WDFY4: variants seen among roughly 807,000 people sequenced by gnomAD.
WDFY4 encodes the protein WD repeat- and FYVE domain-containing protein 4.
In WDFY4, 169 loss-of-function variants were observed where a neutral mutation model predicts 351.9. The observed-to-expected ratio is 0.48, with a 90% CI of 0.42 to 0.55. The LOEUF (loss-of-function observed/expected upper bound fraction) is 0.55, where lower values mean the gene tolerates loss of function less well. Among genes scored for constraint, WDFY4 ranks in the 20% least tolerant of loss-of-function variants. The pLI, the probability that WDFY4 is intolerant of heterozygous loss-of-function variation, is 0.00. For synonymous variants in WDFY4, 1,622 were observed against 1,574.6 expected, an observed-to-expected ratio of 1.03 and a Z score of -0.71; for missense variants, 3,803 against 3,935.6, an observed-to-expected ratio of 0.97 and a Z score of 0.90.
intron 57 of WDFY4, among the ~76,000 whole-genome samples, chr10:48,973,966 G>A (rs1842442465): frequency 6.6e-6 from 1 of 152,176 alleles, no homozygotes; most frequent in Non-Finnish European, 1.5e-5. Flanking sequence ...CTTCTTCCCA[G>A]TTTAGTTCAA....
chr10:48,880,364 C>T (rs936310492), intron 43 of WDFY4, among the ~76,000 whole-genome samples: 1 of 152,312 alleles, frequency 6.6e-6, no homozygotes, highest in African/African-American at 2.4e-5. Flanking sequence ...GAGTCTGAAG[C>T]CCCCAGGTGA....
intron 48 of WDFY4, 67 bp downstream of exon 48, chr10:48,941,915 G>A (rs1255316612): frequency 2.7e-6 from 4 of 1,455,056 alleles, no homozygotes; most frequent in Non-Finnish European, 3.8e-6. Flanking sequence ...AGGCCCCAGC[G>A]ATGGAGAGGA....
intron 57 of WDFY4, among the ~76,000 whole-genome samples, chr10:48,971,341 A>G (rs1026244722): frequency 2.0e-5 from 3 of 152,238 alleles, no homozygotes; most frequent in Non-Finnish European, 4.4e-5. Context: ...CTAAAAATAC[A>G]ACAGATTAGC....
At chr10:48,749,828 C>G (rs11101456) in intron 12 of WDFY4, among the ~76,000 whole-genome samples, 1,551 of 152,306 alleles carry the variant, frequency 0.01, 26 homozygotes, top group African/African-American at 0.034. Context: ...GCAAGGCAGC[C>G]CTGCTCCTTC....
In WDFY4 at chr10:48,734,779, CTT is replaced by C. The variant is rs779399565; in HGVS notation, c.1687+758_1687+759del. On this transcript the variant is annotated intron_variant, in intron 10 of 61. Coordinates refer to ENST00000325239, the MANE Select transcript of WDFY4 (RefSeq NM_001394531.1). ...AGTCAAGGTGGAGCTCAGGAATCTA[CTT>C]TTTTTTTTTTTTTGAGGCAGAGTCT... 4.7e-4 allele frequency among the ~76,000 whole-genome samples: 66 copies of C among 140,198 alleles called. 1 individual carries two copies. The East Asian group carries it at 7.8e-3, about 17-fold the overall frequency. The allele number at this position is 140,198 out of a possible 152,430, so 92.0% of individuals were successfully genotyped here. A position where few individuals can be genotyped will look rare whatever the true frequency, so the allele number is the denominator to read the frequency against.
chr10:48,798,471 A>G (rs913426847), intron 24 of WDFY4, among the ~76,000 whole-genome samples: 3 of 152,224 alleles, frequency 2.0e-5, no homozygotes, highest in African/African-American at 7.2e-5. Flanking sequence ...AAGAATGAGC[A>G]ATTAGAAAGG....
chr10:48,887,050 A>T (rs757129842), intron 43 of WDFY4, among the ~76,000 whole-genome samples: 3 of 152,256 alleles, frequency 2.0e-5, no homozygotes, highest in Non-Finnish European at 2.9e-5. Context: ...CTTTTCTAGC[A>T]GAATCAATGT....
intron 24 of WDFY4, among the ~76,000 whole-genome samples, chr10:48,797,772 CT>C (rs1199588308): frequency 7.2e-5 from 11 of 152,038 alleles, no homozygotes; most frequent in African/African-American, 2.4e-4. Flanking sequence ...AAAACATTTT[CT>C]TAGAATAAAT....
chr10:48,687,087 T>G (rs948154084), intron 1 of WDFY4, among the ~76,000 whole-genome samples: 1 of 152,192 alleles, frequency 6.6e-6, no homozygotes, highest in African/African-American at 2.4e-5. Context: ...TATCTTAGCA[T>G]GTTTTTAATT....
At chr10:48,742,431 A>G (rs965573611) in intron 11 of WDFY4, among the ~76,000 whole-genome samples, 1 of 152,256 alleles carries the variant, frequency 6.6e-6, no homozygotes, top group East Asian at 1.9e-4. Context: ...AGGAATAACA[A>G]GCTGCTTCTA....
At chr10:48,737,843 A>C (rs1199157635) in intron 11 of WDFY4, among the ~76,000 whole-genome samples, 1 of 152,246 alleles carries the variant, frequency 6.6e-6, no homozygotes, top group African/African-American at 2.4e-5. Flanking sequence ...GCTAGGAATT[A>C]CCTTAGATTC....
intron 12 of WDFY4, among the ~76,000 whole-genome samples, chr10:48,759,345 G>A (rs1445532978): frequency 6.6e-6 from 1 of 152,154 alleles, no homozygotes; most frequent in Admixed American, 6.5e-5. Flanking sequence ...CTCCCAAGGG[G>A]TCCCTTCCTG....
At chr10:48,735,759 G>A (rs1223632303) in intron 10 of WDFY4, 121 bp from the exon 11 acceptor site, 1 of 1,069,566 alleles carries the variant, frequency 9.3e-7, no homozygotes, top group African/African-American at 1.6e-5. Context: ...GTGAGCAAAA[G>A]AGAAACAAAA....
At chr10:48,773,369 T>C (rs555469796) in intron 13 of WDFY4, among the ~76,000 whole-genome samples, 1 of 152,326 alleles carries the variant, frequency 6.6e-6, no homozygotes, top group East Asian at 1.9e-4. Flanking sequence ...TGATACGACA[T>C]CTTATCCAGC....
In WDFY4 at chr10:48,966,515, T is replaced by C. The variant is rs1484764875; in HGVS notation, c.8437-11T>C. 6.4e-7 allele frequency: 1 copy of C among 1,550,862 alleles called. No individual in the cohort carries two copies. The highest frequency in any genetic ancestry group is 1.4e-5 in the African/African-American group (1 of 73,004). On this transcript the variant is annotated splice_polypyrimidine_tract_variant and intron_variant, in intron 54 of 61. Transcript: ENST00000325239. ...TCTCCCCTCATGTGTGTCTGTTCCC[T>C]GTCTCTCTAGCTCTTTACCAAACCT... is the stretch of plus-strand genomic sequence containing the variant.
At chr10:48,852,861 T>A (rs2069004702) in intron 39 of WDFY4, among the ~76,000 whole-genome samples, 1 of 152,190 alleles carries the variant, frequency 6.6e-6, no homozygotes, top group South Asian at 2.1e-4. Flanking sequence ...TTTTTGACCT[T>A]CTCTTGTCCA....
At chr10:48,778,947 T>C (rs1023673722) in intron 18 of WDFY4, 115 bp downstream of exon 18, 2 of 1,184,580 alleles carry the variant, frequency 1.7e-6, no homozygotes, top group Non-Finnish European at 2.3e-6. Flanking sequence ...TTTCTCCTCA[T>C]CCTTTGAAAT....
chr10:48,959,704 G>A lies in WDFY4; in HGVS notation c.8132-18G>A, dbSNP rs554345948. 3.9e-6 allele frequency: 6 copies of A among 1,550,922 alleles called. No individual in the cohort carries two copies. In the South Asian group the frequency reaches 7.1e-5, roughly 18 times the overall value. ...GATTTGAGTTACCCAAATCTCTGCT[G>A]CTTCTCATCCCATGCAGGCTGCATG... is the stretch of plus-strand genomic sequence containing the variant. On this transcript the variant is annotated intron_variant, in intron 52 of 61. Transcript: ENST00000325239.
intron 36 of WDFY4, among the ~76,000 whole-genome samples, chr10:48,828,063 A>C (rs57495630): frequency 0.059 from 8,982 of 152,134 alleles, 902 homozygotes; most frequent in African/African-American, 0.21. Context: ...GCATTCTCAT[A>C]TGTCAGGTTA....
Sources: gnomAD v4.1 joint callset for allele counts (sites outside exome capture counted in the v4.1 genomes callset) on GRCh38, gnomAD v4.1.1 for gene constraint, MANE v1.5 for transcripts, NCBI Gene and HGNC (gene_info 2026-07-23, HGNC 2026-07-21) for gene names.